Variants in NDEL1 observed in about 807,000 individuals in gnomAD.
The protein encoded by NDEL1 is nudE neurodevelopment protein 1 like 1.
Under a neutral mutation model 45.7 loss-of-function variants are expected in NDEL1, and 9 were observed. The ratio of observed to expected loss-of-function variants is 0.20; its 90% CI spans 0.12 to 0.34. The LOEUF is 0.34. Ranked by LOEUF, NDEL1 falls within the 10% of genes least tolerant of loss-of-function variation. The probability of loss-of-function intolerance (pLI) is 1.00; values close to 1 mark genes in which losing one functional copy is unlikely to be tolerated. For synonymous variants in NDEL1, 133 were observed against 158.6 expected, an observed-to-expected ratio of 0.84 and a Z score of 1.21; for missense variants, 306 against 406.2, an observed-to-expected ratio of 0.75 and a Z score of 2.12.
Position 8,450,880 on chromosome 17 carries a change from C to T in NDEL1, c.627C>T (p.Ala209=), listed in dbSNP as rs749852625. 2.5e-6 allele frequency: 4 copies of T among 1,613,196 alleles called. No homozygotes were observed. The highest frequency in any genetic ancestry group is 1.7e-5 in the Admixed American group (1 of 59,814). The part of the protein sequence containing the change: ...PTLDCEKMDS[A]VQASLSLPAT... ...TAGACTGTGAAAAGATGGACTCCGC[C>T]GTCCAAGCATCACTTTCTTTGCCAG... is the stretch of plus-strand genomic sequence containing the variant. Residue 209 remains alanine (A), a synonymous_variant, in exon 6 of 9, where the codon GCC becomes GCT. Transcript: ENST00000334527.
upstream of NDEL1, among the ~76,000 whole-genome samples, chr17:8,433,019 A>T (rs1909056060): frequency 6.6e-6 from 1 of 151,928 alleles, no homozygotes; most frequent in African/African-American, 2.4e-5. Flanking sequence ...TGACTGGACT[A>T]CTTCCATCTC....
chr17:8,428,253 C>CCTCAGCA (rs1908887812), intron 1 of NDEL1, among the ~76,000 whole-genome samples: 1 of 151,694 alleles, frequency 6.6e-6, no homozygotes, highest in Admixed American at 6.6e-5. Context: ...GCACTAAACT[C>CCTCAGCA]CTTGCTAATG....
chr17:8,425,029 TCCTCCTTAGC>T (rs1231499493), intron 1 of NDEL1, among the ~76,000 whole-genome samples: 1 of 152,214 alleles, frequency 6.6e-6, no homozygotes, highest in Non-Finnish European at 1.5e-5. Flanking sequence ...AACTGTGACA[TCCTCCTTAGC>T]CCTTTTCACG....
intron 7 of NDEL1, among the ~76,000 whole-genome samples, chr17:8,456,560 A>C (rs143026895): frequency 2.2e-5 from 3 of 138,956 alleles, no homozygotes; most frequent in African/African-American, 8.2e-5. Context: ...GTGCAGCGGC[A>C]CGATCTCAGC....
upstream of NDEL1, chr17:8,431,881 T>TTG (rs1909008635): frequency 6.6e-6 from 1 of 151,492 alleles, no homozygotes; most frequent in South Asian, 2.1e-4. Flanking sequence ...GACACCTTTT[T>TTG]TTTTTTTTTT....
chr17:8,465,052 G>A lies in NDEL1; in HGVS notation c.945-1878G>A, dbSNP rs1326377736. The A allele has an allele frequency of 6.6e-6, 1 of 152,294 alleles. No individual in the cohort carries two copies. Among genetic ancestry groups the A allele is most frequent in the Non-Finnish European group, 1.5e-5 (1 of 68,110 alleles). 9.4% of individuals were successfully genotyped at this position (152,294 alleles called of 1,614,324 possible). A position where few individuals can be genotyped will look rare whatever the true frequency, so the allele number is the denominator to read the frequency against. ...GTTCCGGGCACTGTCTGCAGTACAGGTTTAGGGGCTTGCCTGCCACTGTGA... is the reference window on the plus strand; with the variant it reads ...GTTCCGGGCACTGTCTGCAGTACAGATTTAGGGGCTTGCCTGCCACTGTGA... On this transcript the variant is annotated intron_variant, in intron 8 of 8. Transcript: ENST00000334527. The surrounding 1 kb of genome is among the most constrained non-coding windows in gnomAD (Gnocchi z 4.9).
At chr17:8,425,434 T>C (rs2151696029) in intron 1 of NDEL1, among the ~76,000 whole-genome samples, 1 of 152,170 alleles carries the variant, frequency 6.6e-6, no homozygotes, top group Admixed American at 6.5e-5. Flanking sequence ...GTACAAAAAT[T>C]AGCTGGGTGT....
intron 3 of NDEL1, among the ~76,000 whole-genome samples, chr17:8,473,935 C>T (rs1912066823): frequency 6.6e-6 from 1 of 152,240 alleles, no homozygotes; most frequent in Admixed American, 6.5e-5. Flanking sequence ...TGGCTGGTGA[C>T]CAGAGCCCTC....
intron 3 of NDEL1, 126 bp from the exon 4 acceptor site, chr17:8,446,628 A>G: frequency 1.1e-6 from 1 of 902,412 alleles, no homozygotes; most frequent in African/African-American, 1.7e-5. Context: ...GTTGTTTTTA[A>G]AGTAATTGTT....
At chr17:8,434,041 T>C (rs1909087724), upstream of NDEL1, among the ~76,000 whole-genome samples, 1 of 152,226 alleles carries the variant, frequency 6.6e-6, no homozygotes, top group Non-Finnish European at 1.5e-5. Context: ...CTAGGCTCAC[T>C]TTGTTTTCAC....
At chr17:8,432,501 C>T (rs1909042882), upstream of NDEL1, among the ~76,000 whole-genome samples, 1 of 151,172 alleles carries the variant, frequency 6.6e-6, no homozygotes, top group South Asian at 2.1e-4. Flanking sequence ...TCTCCTGCCT[C>T]AGCCTCCCAA....
At chr17:8,450,713 G>A in intron 5 of NDEL1, 67 bp from the exon 6 acceptor site, 1 of 1,366,878 alleles carries the variant, frequency 7.3e-7, no homozygotes, top group Non-Finnish European at 9.9e-7. Flanking sequence ...CATTTTAGAT[G>A]TCACTTTGCT....
intron 7 of NDEL1, among the ~76,000 whole-genome samples, chr17:8,456,790 T>C (rs946871544): frequency 1.1e-4 from 17 of 152,198 alleles, no homozygotes; most frequent in African/African-American, 4.1e-4. Context: ...TGAGCCACCA[T>C]GTCTGGCCAG....
At chr17:8,460,337 C>T (rs954025371) in intron 8 of NDEL1, among the ~76,000 whole-genome samples, 177 bp downstream of exon 8, 2 of 152,148 alleles carry the variant, frequency 1.3e-5, no homozygotes, top group Admixed American at 6.5e-5. Context: ...CCCATGGAGT[C>T]TGTTGCCCCA....
At chr17:8,427,530 G>A (rs148393144) in intron 1 of NDEL1, among the ~76,000 whole-genome samples, 1,822 of 152,152 alleles carry the variant, frequency 0.012, 36 homozygotes, top group African/African-American at 0.039. Context: ...GTGACACCCC[G>A]TCTCTACTAA....
intron 1 of NDEL1, among the ~76,000 whole-genome samples, chr17:8,427,044 G>A (rs991036801): frequency 6.6e-6 from 1 of 152,190 alleles, no homozygotes; most frequent in African/African-American, 2.4e-5. Flanking sequence ...CGCATTCTCA[G>A]GCACAGTGGA....
chr17:8,419,699 G>A (rs1334851198), intron 1 of NDEL1, among the ~76,000 whole-genome samples: 1 of 152,060 alleles, frequency 6.6e-6, no homozygotes, highest in Non-Finnish European at 1.5e-5. Context: ...AAGGAAAAAG[G>A]TAAACTTTAA....
At chr17:8,421,029 T>A (rs1299939804) in intron 1 of NDEL1, among the ~76,000 whole-genome samples, 1 of 152,224 alleles carries the variant, frequency 6.6e-6, no homozygotes, top group Admixed American at 6.5e-5. Flanking sequence ...AGATGCACAT[T>A]TGAAATTTCA....
At chr17:8,426,091 CTCTG>C (rs1265423090) in intron 1 of NDEL1, among the ~76,000 whole-genome samples, 2 of 152,224 alleles carry the variant, frequency 1.3e-5, no homozygotes, top group African/African-American at 2.4e-5. Context: ...AGCCCAGCCT[CTCTG>C]TCTATTTCTG....
Sources: gnomAD v4.1 joint callset for allele counts (sites outside exome capture counted in the v4.1 genomes callset) on GRCh38, gnomAD v4.1.1 for gene constraint, Gnocchi (gnomAD v3.1) non-coding constraint, MANE v1.5 for transcripts, NCBI Gene and HGNC (gene_info 2026-07-23, HGNC 2026-07-21) for gene names.